Variants in IDS observed in about 807,000 individuals in gnomAD.
IDS encodes the protein alpha-L-iduronate sulfate sulfatase.
IDS carries 1 observed loss-of-function variant against 33.5 expected under a neutral mutation model. The observed-to-expected ratio is 0.03, with a 90% CI of 0.01 to 0.14. The LOEUF is 0.14. Among genes scored for constraint, IDS ranks in the 10% least tolerant of loss-of-function variants. The pLI, the probability that IDS is intolerant of heterozygous loss-of-function variation, is 1.00. For missense variants in IDS, 328 were observed against 448.0 expected, an observed-to-expected ratio of 0.73 and a Z score of 2.42; for synonymous variants, 191 against 184.4, an observed-to-expected ratio of 1.04 and a Z score of -0.29.
Position 149,481,223 on chromosome X carries a change from A to C in IDS, c.*1523T>G, listed in dbSNP as rs942398067. 1.8e-5 allele frequency: 2 copies of C among 112,305 alleles called. No individual in the cohort carries two copies. The highest frequency in any genetic ancestry group is 1.9e-5 in the Non-Finnish European group (1 of 53,308). 9.3% of individuals were successfully genotyped at this position (112,305 alleles called of 1,213,427 possible). A position where few individuals can be genotyped will look rare whatever the true frequency, so the allele number is the denominator to read the frequency against. On this transcript the variant is annotated 3_prime_UTR_variant, in exon 9 of 9. Transcript: ENST00000340855. ...CAAAGCAAGCGGAGGCTCAAAAGAGAGACGAGCTTCAGGATCAGGAAATGA... is the reference window on the plus strand; with the variant it reads ...CAAAGCAAGCGGAGGCTCAAAAGAGCGACGAGCTTCAGGATCAGGAAATGA...
rs1557337446 is a variant in IDS at position 149,481,646 on chromosome X, T to G, written c.*1100A>C. The stretch of plus-strand genomic sequence containing the variant: ...GTAAATATTCCATCCCTTTTGAGAT[T>G]ATATACACTAAGCTTTTTACTACCA... On this transcript the variant is annotated 3_prime_UTR_variant, in exon 9 of 9. Transcript: ENST00000340855. 8.9e-6 allele frequency: 1 copy of G among 112,170 alleles called. No homozygotes were observed. The highest frequency in any genetic ancestry group is 3.2e-5 in the African/African-American group (1 of 30,837). 9.2% of individuals were successfully genotyped at this position (112,170 alleles called of 1,213,427 possible).
intron 6 of IDS, chrX:149,491,684 C>A: frequency 2.0e-6 from 2 of 990,111 alleles, no homozygotes; most frequent in Non-Finnish European, 2.6e-6. Flanking sequence ...ATGAAAGACA[C>A]CTGTCAGGAT....
chrX:149,487,260 T>C lies in IDS; in HGVS notation c.1007-162A>G, dbSNP rs781854374. On this transcript the variant is annotated intron_variant, in intron 7 of 8. Transcript: ENST00000340855. The stretch of plus-strand genomic sequence containing the variant: ...CTTGGAATTACCACAGAAAGGGTTA[T>C]TTCAACTGAATGCTGCTTTATTCAA... 3 of 1,208,495 alleles carry C rather than the reference T, an allele frequency of 2.5e-6. No homozygotes were observed. The East Asian group carries it at 8.9e-5, about 36-fold the overall frequency.
At chrX:149,497,968 T>C in intron 5 of IDS, 139 bp downstream of exon 5, 1 of 506,750 alleles carries the variant, frequency 2.0e-6, no homozygotes, top group East Asian at 3.4e-5. Flanking sequence ...TTTACTCCAC[T>C]GAGGACACTA....
At chrX:149,491,456 C>T (rs899431651) in intron 6 of IDS, 14 of 727,383 alleles carry the variant, frequency 1.9e-5, no homozygotes, top group African/African-American at 1.6e-4. Flanking sequence ...GCCGTGTCTT[C>T]GCAGACCAGC....
intron 3 of IDS, among the ~76,000 whole-genome samples, chrX:149,501,570 G>C (rs2089480623): frequency 8.9e-6 from 1 of 112,067 alleles, no homozygotes; most frequent in Admixed American, 9.5e-5. Context: ...TGGAAACCAA[G>C]GAAGGACTTC....
intron 6 of IDS, among the ~76,000 whole-genome samples, chrX:149,492,255 T>A (rs2089399546): frequency 9.0e-6 from 1 of 111,472 alleles, no homozygotes; most frequent in Admixed American, 9.5e-5. Flanking sequence ...TTCCCTATAG[T>A]TTTTCCCACC....
Position 149,479,707 on chromosome X carries a change from T to TA in IDS, c.*3038dup, listed in dbSNP as rs1204693826. On this transcript the variant is annotated 3_prime_UTR_variant, in exon 9 of 9. Coordinates refer to ENST00000340855, the MANE Select transcript of IDS (RefSeq NM_000202.8). ...TATAATAACCACACATAATACTTAG[T>TA]AAAAAAGAACATAAATTACATGATA... is the stretch of plus-strand genomic sequence containing the variant. 4 of 111,287 alleles carry TA rather than the reference T, an allele frequency of 3.6e-5. No individual in the cohort carries two copies. Among genetic ancestry groups the TA allele is most frequent in the African/African-American group, 9.8e-5 (3 of 30,526 alleles). The allele number at this position is 111,287 out of a possible 1,213,427, so 9.2% of individuals were successfully genotyped here.
At chrX:149,497,694 C>A (rs1157391274) in intron 5 of IDS, among the ~76,000 whole-genome samples, 1 of 112,471 alleles carries the variant, frequency 8.9e-6, no homozygotes, top group Non-Finnish European at 1.9e-5. Context: ...TTTAGATGAT[C>A]TAACCTGACA....
In IDS at chrX:149,505,252, C is replaced by A. The variant is rs961965931; in HGVS notation, c.-115G>T. ...CCTCGTCGGGAACCCATGAAGACTG[C>A]GCAACACAGCCGCCGCCCGGGCCCG... On this transcript the variant is annotated 5_prime_UTR_variant, in exon 1 of 9. Transcript: ENST00000340855. 28 of 413,068 alleles carry A rather than the reference C, an allele frequency of 6.8e-5. No individual in the cohort carries two copies. Among genetic ancestry groups the A allele is most frequent in the Non-Finnish European group, 8.8e-5 (23 of 261,560 alleles). 34.0% of individuals were successfully genotyped at this position (413,068 alleles called of 1,213,427 possible).
In IDS at chrX:149,477,852, T is replaced by C. The variant is rs1366982652; in HGVS notation, c.*4894A>G. On this transcript the variant is annotated 3_prime_UTR_variant, in exon 9 of 9. Coordinates refer to ENST00000340855, the MANE Select transcript of IDS (RefSeq NM_000202.8). ...GTCCTCTCTGCTTGAAGTTCTCATG[T>C]GCAGAAGAGAGAAACTGTCCTGAAG... is the stretch of plus-strand genomic sequence containing the variant. 1 of 112,250 alleles carries C rather than the reference T, an allele frequency of 8.9e-6. No individual in the cohort carries two copies. Among genetic ancestry groups the C allele is most frequent in the East Asian group, 2.8e-4 (1 of 3,549 alleles). 9.3% of individuals were successfully genotyped at this position (112,250 alleles called of 1,213,427 possible).
At chrX:149,497,046 A>G (rs2089441567) in intron 5 of IDS, among the ~76,000 whole-genome samples, 1 of 112,116 alleles carries the variant, frequency 8.9e-6, no homozygotes, top group Admixed American at 9.4e-5. Context: ...CCCAGCAACG[A>G]GTTGTGTGAC....
intron 7 of IDS, among the ~76,000 whole-genome samples, chrX:149,487,506 G>T (rs1223437463): frequency 8.9e-6 from 1 of 111,807 alleles, no homozygotes. Flanking sequence ...GTGCCTACCT[G>T]TCTTTTGACT....
Position 149,482,833 on chromosome X carries a change from C to T in IDS, c.1566G>A (p.Leu522=). 8.3e-7 allele frequency: 1 copy of T among 1,212,002 alleles called. No homozygotes were observed. The highest frequency in any genetic ancestry group is 1.1e-6 in the Non-Finnish European group (1 of 895,552). The change falls in exon 9 of 9, where the codon CTG becomes CTA. Residue 522 remains leucine, a synonymous_variant. Coordinates refer to ENST00000340855, the MANE Select transcript of IDS (RefSeq NM_000202.8). ...ANFSDIHAGE[L]YFVDSDPLQD... ...GCAATGGGTCAGAATCCACAAAATA[C>T]AGTTCCCCTGCATGGATGTCAGAAA... is the stretch of plus-strand genomic sequence containing the variant.
At position 149,481,397 on chromosome X, in the gene IDS, T is replaced by C. The variant is rs2089295621; in HGVS notation, c.*1349A>G. On this transcript the variant is annotated 3_prime_UTR_variant, in exon 9 of 9. Transcript: ENST00000340855. Reference sequence around the variant, plus strand: ...AAAATTTACTGATTTTAATATAATATCTTGTCATTTTTGGCAACAATACAC... The same window carrying C: ...AAAATTTACTGATTTTAATATAATACCTTGTCATTTTTGGCAACAATACAC... 1 of 112,742 alleles carries C rather than the reference T, an allele frequency of 8.9e-6. No homozygotes were observed. The highest frequency in any genetic ancestry group is 3.2e-5 in the African/African-American group (1 of 31,019). 9.3% of individuals were successfully genotyped at this position (112,742 alleles called of 1,213,427 possible). A position where few individuals can be genotyped will look rare whatever the true frequency, so the allele number is the denominator to read the frequency against.
rs1484927704 is a variant in IDS, at chrX:149,505,273, GC to G, written c.-137del. On this transcript the variant is annotated 5_prime_UTR_variant, in exon 1 of 9. Coordinates refer to ENST00000340855, the MANE Select transcript of IDS (RefSeq NM_000202.8). Reference sequence around the variant, plus strand: ...ACTGCGCAACACAGCCGCCGCCCGGGCCCGCAGGCCCGGGCGCTGGCCGCAG... The same window carrying G: ...ACTGCGCAACACAGCCGCCGCCCGGGCCGCAGGCCCGGGCGCTGGCCGCAG... 1.8e-5 allele frequency: 6 copies of G among 333,377 alleles called. No homozygotes were observed. Among genetic ancestry groups the G allele is most frequent in the African/African-American group, 2.7e-5 (1 of 36,765 alleles). The allele number at this position is 333,377 out of a possible 1,213,427, so 27.5% of individuals were successfully genotyped here.
At chrX:149,501,865 A>G (rs1364106321) in intron 3 of IDS, among the ~76,000 whole-genome samples, 1 of 111,884 alleles carries the variant, frequency 8.9e-6, no homozygotes, top group Non-Finnish European at 1.9e-5. Flanking sequence ...CTATGAAGAC[A>G]GCAAGCACTG....
In IDS at chrX:149,494,423, G is replaced by A. The variant is rs781808907; in HGVS notation, c.879+1923C>T. Among the ~76,000 whole-genome samples the A allele has an allele frequency of 2.0e-3, 223 of 112,032 alleles. 2 individuals carry two copies. The highest frequency in any genetic ancestry group is 7.2e-3 in the African/African-American group (221 of 30,771). On this transcript the variant is annotated intron_variant, in intron 6 of 8. Coordinates refer to ENST00000340855, the MANE Select transcript of IDS (RefSeq NM_000202.8). The stretch of plus-strand genomic sequence containing the variant: ...TCAGTATGGTGACTCGGAAGGAGCA[G>A]GCAACAAACTCCTGAGTGTGGCCCC...
intron 5 of IDS, 150 bp downstream of exon 5, chrX:149,497,957 C>G (rs1262738821): frequency 2.1e-6 from 1 of 476,006 alleles, no homozygotes; most frequent in Non-Finnish European, 3.7e-6. Context: ...TAAATCCCAT[C>G]TTTACTCCAC....
Sources: gnomAD v4.1 joint callset for allele counts (sites outside exome capture counted in the v4.1 genomes callset) on GRCh38, gnomAD v4.1.1 for gene constraint, MANE v1.5 for transcripts, NCBI Gene and HGNC (gene_info 2026-07-23, HGNC 2026-07-21) for gene names.